TENM2: variants seen among roughly 807,000 people sequenced by gnomAD.
TENM2 encodes the protein teneurin transmembrane protein 2, also known as teneurin-2.
In TENM2, 52 loss-of-function variants were observed where a neutral mutation model predicts 245.2. That is an observed-to-expected ratio of 0.21 (90% CI 0.17 to 0.27). The LOEUF is 0.27. TENM2 is among the 10% of genes least tolerant of loss of function. The pLI, the probability that TENM2 is intolerant of heterozygous loss-of-function variation, is 1.00. For synonymous variants in TENM2, 1,363 were observed against 1,438.9 expected (o/e 0.95, Z 1.19); for missense variants, 3,046 against 3,666.8 (o/e 0.83, Z 4.37).
At chr5:167,592,307 G>T (rs1210111169) in intron 2 of TENM2, among the ~76,000 whole-genome samples, 7 of 152,160 alleles carry the variant, frequency 4.6e-5, no homozygotes, top group East Asian at 1.9e-4. Flanking sequence ...TTCTGCTATT[G>T]TTACTGGAGC....
At chr5:167,146,387 C>A in the TENM2 span, among the ~76,000 whole-genome samples, 2 of 152,152 alleles carry the variant, frequency 1.3e-5, no homozygotes, top group African/African-American at 4.8e-5. Context: ...TCTTTTCTGT[C>A]CAGACTTGGG....
At chr5:167,705,981 ATATATATATATT>A (rs202021783) in intron 2 of TENM2, among the ~76,000 whole-genome samples, 4,237 of 106,550 alleles carry the variant, frequency 0.04, 217 homozygotes, top group African/African-American at 0.17. Flanking sequence ...ATATATATAT[ATATATATATATT>A]TATTTATTTA....
At chr5:167,724,577 A>G (rs1310588979) in intron 2 of TENM2, among the ~76,000 whole-genome samples, 1 of 152,074 alleles carries the variant, frequency 6.6e-6, no homozygotes, top group Non-Finnish European at 1.5e-5. Flanking sequence ...TCAGTAAGGT[A>G]TTTTTCATGA....
At position 168,218,269 on chromosome 5, in the gene TENM2, G is replaced by A; in HGVS notation, c.4378G>A (p.Gly1460Ser). 6.2e-7 allele frequency: 1 copy of A among 1,613,278 alleles called. No homozygotes were observed. Among genetic ancestry groups the A allele is most frequent in the Non-Finnish European group, 8.5e-7 (1 of 1,179,798 alleles). The change falls in exon 23 of 29, where the codon GGC becomes AGC. Residue 1460 changes from glycine (G) to serine (S), a missense_variant. Transcript: ENST00000518659. This position sits in a 1 kb window ranked among gnomAD's most constrained non-coding sequence, Gnocchi z 5.2. Reference sequence around the variant, plus strand: ...ACGCCCCATGCACTGCCAAGTTCCTGGCATTGACTACTCACTCAGCAAACT... The same window carrying A: ...ACGCCCCATGCACTGCCAAGTTCCTAGCATTGACTACTCACTCAGCAAACT...
At chr5:167,969,227 C>G (rs994698081) in intron 4 of TENM2, among the ~76,000 whole-genome samples, 5 of 152,094 alleles carry the variant, frequency 3.3e-5, no homozygotes, top group Admixed American at 3.3e-4. Context: ...TGGTAGGGAC[C>G]TGCTGGTGGG....
chr5:167,390,132 G>A (rs557112295), intron 2 of TENM2, among the ~76,000 whole-genome samples: 1 of 152,120 alleles, frequency 6.6e-6, no homozygotes, highest in African/African-American at 2.4e-5. Context: ...AAAAGCATGC[G>A]ACTTATTTTC....
intron 13 of TENM2, among the ~76,000 whole-genome samples, chr5:168,167,853 G>A (rs545085551): frequency 6.6e-6 from 1 of 152,228 alleles, no homozygotes; most frequent in East Asian, 1.9e-4. Flanking sequence ...GTCACTAGCT[G>A]GTGTGAAGTT....
chr5:167,419,452 C>T (rs573712923), intron 2 of TENM2, among the ~76,000 whole-genome samples: 22 of 152,196 alleles, frequency 1.4e-4, no homozygotes, highest in South Asian at 8.3e-4. Flanking sequence ...AAGAGTGAGA[C>T]GTCGTCTCAA....
chr5:167,350,782 T>G (rs1758829323), intron 1 of TENM2, among the ~76,000 whole-genome samples: 1 of 142,798 alleles, frequency 7.0e-6, no homozygotes, highest in African/African-American at 2.6e-5. Context: ...ATATGGGATA[T>G]ATACATATGG....
chr5:167,251,211 C>T, the TENM2 span, among the ~76,000 whole-genome samples: 1 of 151,998 alleles, frequency 6.6e-6, no homozygotes, highest in South Asian at 2.1e-4. Context: ...GCTCACAAAG[C>T]GCTGGAAGAA....
At chr5:168,148,873 T>TGACA (rs1554208240) in intron 12 of TENM2, among the ~76,000 whole-genome samples, 1 of 143,928 alleles carries the variant, frequency 6.9e-6, no homozygotes, top group Non-Finnish European at 1.5e-5. Flanking sequence ...TAAATATATA[T>TGACA]GATAGATAGA....
At chr5:168,137,131 T>C (rs1755125258) in intron 12 of TENM2, among the ~76,000 whole-genome samples, 1 of 152,124 alleles carries the variant, frequency 6.6e-6, no homozygotes, top group African/African-American at 2.4e-5. Context: ...GGTTAACCAA[T>C]GGTCTAGAGA....
At chr5:167,384,794 G>C (rs1761321005) in intron 2 of TENM2, among the ~76,000 whole-genome samples, 3 of 152,304 alleles carry the variant, frequency 2.0e-5, no homozygotes, top group Admixed American at 2.0e-4. Flanking sequence ...CCAGGTAGAA[G>C]GACTCCAGAA....
chr5:167,474,034 T>G (rs1461115521), intron 2 of TENM2, among the ~76,000 whole-genome samples: 1 of 152,212 alleles, frequency 6.6e-6, no homozygotes, highest in African/African-American at 2.4e-5. Flanking sequence ...ATTTATGGAT[T>G]AGATTAAAAA....
At chr5:167,384,418 T>A (rs993957221) in intron 2 of TENM2, among the ~76,000 whole-genome samples, 2 of 151,298 alleles carry the variant, frequency 1.3e-5, no homozygotes, top group Admixed American at 1.3e-4. Flanking sequence ...GAATGGGAGG[T>A]GAGGTGAAGA....
the TENM2 span, among the ~76,000 whole-genome samples, chr5:167,042,740 C>T: frequency 1.3e-3 from 195 of 152,262 alleles, 1 homozygote; most frequent in African/African-American, 4.3e-3. Flanking sequence ...TGGCTGGAAG[C>T]AATTTGTTAT....
intron 2 of TENM2, among the ~76,000 whole-genome samples, chr5:167,814,814 A>C (rs1295985601): frequency 1.3e-5 from 2 of 152,140 alleles, no homozygotes; most frequent in Non-Finnish European, 2.9e-5. Flanking sequence ...GCAGAAAAAA[A>C]GTAAAGGAAA....
At chr5:167,663,847 A>G (rs141301098) in intron 2 of TENM2, among the ~76,000 whole-genome samples, 1 of 152,192 alleles carries the variant, frequency 6.6e-6, no homozygotes, top group African/African-American at 2.4e-5. Flanking sequence ...CATTTAGAAC[A>G]TATCACTTCT....
intron 2 of TENM2, among the ~76,000 whole-genome samples, chr5:167,650,423 T>C (rs1033086847): frequency 1.2e-4 from 19 of 152,200 alleles, no homozygotes; most frequent in African/African-American, 4.6e-4. Flanking sequence ...TTAGGAAATA[T>C]ATTTAACTTT....
Sources: allele counts gnomAD v4.1 joint callset (sites outside exome capture counted in the v4.1 genomes callset), GRCh38; gene constraint gnomAD v4.1.1; non-coding constraint Gnocchi (gnomAD v3.1); transcripts MANE v1.5; gene names NCBI Gene and HGNC (gene_info 2026-07-23, HGNC 2026-07-21).